The following PTPRK variants were observed in gnomAD, a reference collection of about 807,000 sequenced individuals.
The protein encoded by PTPRK is receptor-type tyrosine-protein phosphatase kappa.
In PTPRK, 75 loss-of-function variants were observed where a neutral mutation model predicts 178.0. The ratio of observed to expected loss-of-function variants is 0.42; its 90% CI spans 0.35 to 0.51. PTPRK has a LOEUF of 0.51. PTPRK is among the 20% of genes least tolerant of loss of function. The pLI is 0.02. For missense variants in PTPRK, 1,441 were observed against 1,797.8 expected (o/e 0.80, Z 3.59); for synonymous variants, 637 against 620.6 (o/e 1.03, Z -0.39).
chr6:128,017,831 T>TATATATATATATATA (rs1321916988), intron 13 of PTPRK, among the ~76,000 whole-genome samples: 1 of 137,910 alleles, frequency 7.3e-6, no homozygotes, highest in African/African-American at 2.8e-5. Context: ...TATATATATA[T>TATATATATATATATA]ATTTGGCAGA....
chr6:128,151,107 G>C (rs952457181), intron 7 of PTPRK, among the ~76,000 whole-genome samples: 1 of 152,014 alleles, frequency 6.6e-6, no homozygotes, highest in Non-Finnish European at 1.5e-5. Flanking sequence ...ACAAATGTTT[G>C]TTAAATTGAC....
chr6:128,309,189 G>A (rs1460301980), intron 3 of PTPRK, among the ~76,000 whole-genome samples: 1 of 151,956 alleles, frequency 6.6e-6, no homozygotes, highest in Non-Finnish European at 1.5e-5. Context: ...GCATTCACTA[G>A]ACCTTTTTAA....
At chr6:128,284,738 C>T (rs1271488542) in intron 3 of PTPRK, among the ~76,000 whole-genome samples, 1 of 152,132 alleles carries the variant, frequency 6.6e-6, no homozygotes. Context: ...AGGTCAGAAG[C>T]GTCACCTTCC....
At chr6:128,305,418 G>A (rs550396646) in intron 3 of PTPRK, among the ~76,000 whole-genome samples, 1 of 152,110 alleles carries the variant, frequency 6.6e-6, no homozygotes, top group Admixed American at 6.6e-5. Context: ...CTTTCACTAT[G>A]ACTCGCCTTG....
intron 1 of PTPRK, among the ~76,000 whole-genome samples, chr6:128,514,263 C>A (rs1857597391): frequency 6.6e-6 from 1 of 152,136 alleles, no homozygotes; most frequent in Non-Finnish European, 1.5e-5. Flanking sequence ...TCTATTTTCA[C>A]TACTCTTTCC....
intron 6 of PTPRK, among the ~76,000 whole-genome samples, chr6:128,199,438 GA>G (rs1354232777): frequency 6.6e-6 from 1 of 152,132 alleles, no homozygotes; most frequent in East Asian, 1.9e-4. Flanking sequence ...TACTCTGGGG[GA>G]AGAGGTTATT....
At chr6:128,273,138 G>C (rs1369942855) in intron 3 of PTPRK, among the ~76,000 whole-genome samples, 1 of 152,084 alleles carries the variant, frequency 6.6e-6, no homozygotes, top group Non-Finnish European at 1.5e-5. Flanking sequence ...CTCACTCATA[G>C]GTAGGAATTG....
In PTPRK at chr6:128,472,375, G is replaced by C. The variant is rs531415896; in HGVS notation, c.100+47884C>G. Reference sequence around the variant, plus strand: ...GTGTTGCTTGTTTGTTTTGTTTTTTGACACCCTCCCCAATTTAGTTTAGGG... The same window carrying C: ...GTGTTGCTTGTTTGTTTTGTTTTTTCACACCCTCCCCAATTTAGTTTAGGG... On this transcript the variant is annotated intron_variant, in intron 1 of 29. Transcript: ENST00000368226. Among the ~76,000 whole-genome samples the C allele has an allele frequency of 4.2e-3, 636 of 150,650 alleles. 5 individuals carry two copies. The highest frequency in any genetic ancestry group is 0.014 in the African/African-American group (590 of 41,050).
Position 128,247,766 on chromosome 6 carries a change from A to G in PTPRK, c.496-5164T>C, listed in dbSNP as rs569569802. 3.3e-5 allele frequency among the ~76,000 whole-genome samples: 5 copies of G among 152,358 alleles called. No homozygotes were observed. The South Asian group carries it at 1.0e-3, about 32-fold the overall frequency. ...TCTCCTGCCACACAGTAAGCATGCT[A>G]TGTTAAGTGGCACCACTTTTATGAG... On this transcript the variant is annotated intron_variant, in intron 3 of 29. Transcript: ENST00000368226.
intron 1 of PTPRK, among the ~76,000 whole-genome samples, chr6:128,436,009 T>C (rs1246065497): frequency 4.0e-5 from 6 of 150,500 alleles, no homozygotes; most frequent in East Asian, 1.9e-4. Context: ...AATATATATA[T>C]ATATATATAG....
chr6:127,981,002 C>T, intron 25 of PTPRK, 114 bp downstream of exon 25: 2 of 1,062,466 alleles, frequency 1.9e-6, no homozygotes, highest in Non-Finnish European at 2.6e-6. Context: ...TAAAAGTTTC[C>T]ACTTTTCCTT....
chr6:128,138,183 A>G (rs1795283564), intron 7 of PTPRK, among the ~76,000 whole-genome samples: 1 of 152,168 alleles, frequency 6.6e-6, no homozygotes, highest in African/African-American at 2.4e-5. Flanking sequence ...TATGAAACAA[A>G]AGAGATACTG....
At chr6:128,464,674 T>TATATATATATATATATATATATATAC (rs1407701569) in intron 1 of PTPRK, among the ~76,000 whole-genome samples, 1 of 124,756 alleles carries the variant, frequency 8.0e-6, no homozygotes, top group African/African-American at 3.1e-5. Flanking sequence ...TATATATATA[T>TATATATATATATATATATATATATAC]ACAACAGATG....
intron 11 of PTPRK, among the ~76,000 whole-genome samples, chr6:128,071,037 T>C (rs1782732339): frequency 6.6e-6 from 1 of 151,732 alleles, no homozygotes; most frequent in African/African-American, 2.4e-5. Context: ...TTTCTTCCTG[T>C]GACATTGTAT....
intron 7 of PTPRK, among the ~76,000 whole-genome samples, chr6:128,121,653 T>A (rs1457797209): frequency 1.3e-5 from 2 of 152,022 alleles, no homozygotes. Context: ...TTAAAGAAAC[T>A]CAAAGGAATA....
In PTPRK at chr6:128,477,734, A is replaced by T. The variant is rs542037114; in HGVS notation, c.100+42525T>A. Among the ~76,000 whole-genome samples, 12 of 152,268 alleles carry T rather than the reference A, an allele frequency of 7.9e-5. No individual in the cohort carries two copies. In the East Asian group the frequency reaches 1.5e-3, roughly 20 times the overall value. ...TAACATGTAGCTGATATTTGTGATT[A>T]AAAAAATGTAGAGAGAAAACATTCA... On this transcript the variant is annotated intron_variant, in intron 1 of 29. Coordinates refer to ENST00000368226, the MANE Select transcript of PTPRK (RefSeq NM_002844.4).
intron 7 of PTPRK, among the ~76,000 whole-genome samples, chr6:128,149,135 G>A (rs1290405546): frequency 2.9e-5 from 4 of 137,844 alleles, no homozygotes; most frequent in South Asian, 2.5e-4. Flanking sequence ...TTGGACACAG[G>A]GTGGGGAACA....
intron 1 of PTPRK, among the ~76,000 whole-genome samples, chr6:128,434,106 AC>A (rs1845206492): frequency 4.6e-5 from 7 of 152,038 alleles, no homozygotes; most frequent in Admixed American, 4.6e-4. Context: ...TCTAGGAACT[AC>A]ATGGATAAAA....
At chr6:128,155,979 A>G (rs140153116) in intron 7 of PTPRK, among the ~76,000 whole-genome samples, 6 of 152,020 alleles carry the variant, frequency 3.9e-5, no homozygotes, top group Middle Eastern at 3.4e-3. Flanking sequence ...TCTGCTGTCC[A>G]CCTATCCATT....
Sources: allele counts gnomAD v4.1 joint callset (sites outside exome capture counted in the v4.1 genomes callset), GRCh38; gene constraint gnomAD v4.1.1; transcripts MANE v1.5; gene names NCBI Gene and HGNC (gene_info 2026-07-23, HGNC 2026-07-21).